Variants in MAP1LC3A observed in about 807,000 individuals in gnomAD.
The protein encoded by MAP1LC3A is microtubule-associated protein 1 light chain 3 alpha.
MAP1LC3A carries 10 observed loss-of-function variants against 15.2 expected under a neutral mutation model. The ratio of observed to expected loss-of-function variants is 0.66; its 90% confidence interval spans 0.41 to 1.12. MAP1LC3A has a LOEUF of 1.12. MAP1LC3A is among the 50% of genes most tolerant of loss of function. The pLI is 0.00. For synonymous variants in MAP1LC3A, 63 were observed against 64.3 expected, an observed-to-expected ratio of 0.98 and a Z score of 0.10; for missense variants, 138 against 167.3, an observed-to-expected ratio of 0.82 and a Z score of 0.97.
At chr20:34,553,094 C>T (rs976314904) in intron 2 of MAP1LC3A, among the ~76,000 whole-genome samples, 2 of 152,138 alleles carry the variant, frequency 1.3e-5, no homozygotes, top group African/African-American at 4.8e-5. Context: ...GAGGCTGAGG[C>T]AGGAGAATCG....
chr20:34,547,179 G>A (rs1981765920), intron 1 of MAP1LC3A, among the ~76,000 whole-genome samples: 1 of 152,184 alleles, frequency 6.6e-6, no homozygotes. Flanking sequence ...CGGGGAGTTT[G>A]ACGGGTTCGG....
chr20:34,547,458 G>C (rs1432246991), intron 1 of MAP1LC3A, among the ~76,000 whole-genome samples: 1 of 143,362 alleles, frequency 7.0e-6, no homozygotes, highest in Non-Finnish European at 1.5e-5. Flanking sequence ...ACAGGGTCTG[G>C]TTATGTTGCT....
At chr20:34,558,225 GGC>G, upstream of MAP1LC3A, 4 of 979,918 alleles carry the variant, frequency 4.1e-6, no homozygotes, top group Non-Finnish European at 4.8e-6. The surrounding 1 kb of genome is among the most constrained non-coding windows in gnomAD (Gnocchi z 4.3). Context: ...GAATTTCGAT[GGC>G]TCTACTTTTC....
chr20:34,550,480 G>A (rs1981908280), intron 2 of MAP1LC3A, among the ~76,000 whole-genome samples: 1 of 152,192 alleles, frequency 6.6e-6, no homozygotes, highest in Admixed American at 6.5e-5. Flanking sequence ...CTAAGTCCTG[G>A]GGTGTAGCAG....
chr20:34,557,250 C>G (rs1982195050), upstream of MAP1LC3A, among the ~76,000 whole-genome samples: 1 of 152,204 alleles, frequency 6.6e-6, no homozygotes, highest in African/African-American at 2.4e-5. Flanking sequence ...ATTTACCATC[C>G]CTTTTACTTT....
upstream of MAP1LC3A, chr20:34,558,678 C>G (rs1600572445): frequency 1.6e-6 from 2 of 1,250,576 alleles, no homozygotes; most frequent in Non-Finnish European, 1.0e-6. The surrounding 1 kb of genome is among the most constrained non-coding windows in gnomAD (Gnocchi z 4.3). Flanking sequence ...GAGCGGCGCA[C>G]TGGCCTCCCC....
In MAP1LC3A at chr20:34,560,035, C is replaced by T. The variant is rs1444510203; in HGVS notation, c.*137C>T. On this transcript the variant is annotated 3_prime_UTR_variant, in exon 4 of 4. Coordinates refer to ENST00000360668, the MANE Select transcript of MAP1LC3A (RefSeq NM_032514.4). ...ATGTGCCCCCCTAGTCAGAGGGCAC[C>T]AACCCACCTACTCTGCCCCTGGGTG... 3.8e-6 allele frequency: 3 copies of T among 796,422 alleles called. No homozygotes were observed. Among genetic ancestry groups the T allele is most frequent in the Non-Finnish European group, 5.7e-6 (3 of 525,980 alleles). The allele number at this position is 796,422 out of a possible 1,614,324, so 49.3% of individuals were successfully genotyped here.
chr20:34,556,506 G>A (rs1179338793), upstream of MAP1LC3A, among the ~76,000 whole-genome samples: 1 of 150,250 alleles, frequency 6.7e-6, no homozygotes, highest in African/African-American at 2.4e-5. Flanking sequence ...TTTTTTGGTT[G>A]TTTGGTTTAT....
chr20:34,550,643 A>G (rs1046164807), intron 2 of MAP1LC3A, among the ~76,000 whole-genome samples: 1 of 152,200 alleles, frequency 6.6e-6, no homozygotes, highest in Non-Finnish European at 1.5e-5. Context: ...AACGGTGGCA[A>G]GGAGGCAGCG....
intron 3 of MAP1LC3A, 35 bp from the exon 4 acceptor site, chr20:34,559,701 C>A (rs761699112): frequency 1.9e-6 from 3 of 1,575,410 alleles, no homozygotes; most frequent in South Asian, 1.2e-5. Flanking sequence ...CGCAGCCAAG[C>A]CCCTCACAGC....
Position 34,558,846 on chromosome 20 carries a change from G to A in MAP1LC3A, c.-23G>A. 7.0e-7 allele frequency: 1 copy of A among 1,434,328 alleles called. No individual in the cohort carries two copies. Among genetic ancestry groups the A allele is most frequent in the South Asian group, 1.4e-5 (1 of 71,834 alleles). The allele number at this position is 1,434,328 out of a possible 1,614,324, so 88.9% of individuals were successfully genotyped here. A position where few individuals can be genotyped will look rare whatever the true frequency, so the allele number is the denominator to read the frequency against. On this transcript the variant is annotated 5_prime_UTR_variant, in exon 1 of 4. Coordinates refer to ENST00000360668, the MANE Select transcript of MAP1LC3A (RefSeq NM_032514.4). This position sits in a 1 kb window ranked among gnomAD's most constrained non-coding sequence, Gnocchi z 4.3. Reference sequence around the variant, plus strand: ...TCCCCGCGCCCCAGAGCCCCGGCCTGCGCGCCCAGCCGGGCCCGCGCGATG... The same window carrying A: ...TCCCCGCGCCCCAGAGCCCCGGCCTACGCGCCCAGCCGGGCCCGCGCGATG...
chr20:34,555,028 TTTTG>T (rs1486494606), upstream of MAP1LC3A, among the ~76,000 whole-genome samples: 8 of 151,938 alleles, frequency 5.3e-5, no homozygotes, highest in South Asian at 1.3e-3. Flanking sequence ...TGTTGTTGTT[TTTTG>T]TTTGTTTTCA....
intron 2 of MAP1LC3A, among the ~76,000 whole-genome samples, chr20:34,550,190 C>T (rs1351187241): frequency 1.3e-5 from 2 of 152,184 alleles, no homozygotes; most frequent in South Asian, 2.1e-4. Context: ...GGTCCAAGTC[C>T]GAAGCCACAG....
In MAP1LC3A at chr20:34,550,032, C is replaced by G. The variant is rs201946225; in HGVS notation, c.52+3C>G. 45 of 1,614,064 alleles carry G rather than the reference C, an allele frequency of 2.8e-5. No homozygotes were observed. In the Admixed American group the frequency reaches 3.2e-4, roughly 11 times the overall value. ...TGGAAAAGCAGCTGTGGACCCAGGT[C>G]TGTCTGGCCCGCCTGCCGTTGTGTG... On this transcript the variant is annotated splice_donor_region_variant and intron_variant, in intron 2 of 4. Transcript: ENST00000374837.
rs375978138 is a variant in MAP1LC3A at position 34,550,034 on chromosome 20, G to C, written c.52+5G>C. The C allele has an allele frequency of 2.5e-4, 396 of 1,614,076 alleles. No homozygotes were observed. Among genetic ancestry groups the C allele is most frequent in the Non-Finnish European group, 2.7e-4 (320 of 1,179,964 alleles). ...GAAAAGCAGCTGTGGACCCAGGTCT[G>C]TCTGGCCCGCCTGCCGTTGTGTGAA... is the stretch of plus-strand genomic sequence containing the variant. On this transcript the variant is annotated splice_donor_5th_base_variant and intron_variant, in intron 2 of 4. Transcript: ENST00000374837.
chr20:34,549,766 A>C (rs939115087), intron 1 of MAP1LC3A: 14 of 511,228 alleles, frequency 2.7e-5, no homozygotes, highest in Non-Finnish European at 5.0e-5. Flanking sequence ...TGGCAATGGT[A>C]AACTGCCATG....
Position 34,558,944 on chromosome 20 carries a change from A to T in MAP1LC3A, c.40+36A>T. 1 of 1,362,580 alleles carries T rather than the reference A, an allele frequency of 7.3e-7. No homozygotes were observed. The highest frequency in any genetic ancestry group is 3.9e-5 in the Admixed American group (1 of 25,402). The allele number at this position is 1,362,580 out of a possible 1,614,324, so 84.4% of individuals were successfully genotyped here. On this transcript the variant is annotated intron_variant, in intron 1 of 3. Coordinates refer to ENST00000360668, the MANE Select transcript of MAP1LC3A (RefSeq NM_032514.4). The surrounding 1 kb of genome is among the most constrained non-coding windows in gnomAD (Gnocchi z 4.3). ...GCAGGCGAGCTGCGAGCTCTGGGGC[A>T]GGGGTGCCGGCCGACCCCGACTGCC...
At chr20:34,556,078 G>A (rs934781616), upstream of MAP1LC3A, among the ~76,000 whole-genome samples, 27 of 152,060 alleles carry the variant, frequency 1.8e-4, no homozygotes, top group Non-Finnish European at 2.5e-4. Flanking sequence ...TCCTGACCTC[G>A]TGATCCGCCT....
At chr20:34,550,504 G>T (rs778948147) in intron 2 of MAP1LC3A, among the ~76,000 whole-genome samples, 5 of 152,198 alleles carry the variant, frequency 3.3e-5, no homozygotes, top group Non-Finnish European at 7.3e-5. Flanking sequence ...CCAAGCATAT[G>T]CAGAACTGCC....
Sources: allele counts gnomAD v4.1 joint callset (sites outside exome capture counted in the v4.1 genomes callset), GRCh38; gene constraint gnomAD v4.1.1; non-coding constraint Gnocchi (gnomAD v3.1); transcripts MANE v1.5; gene names NCBI Gene and HGNC (gene_info 2026-07-23, HGNC 2026-07-21).